Variants in ADARB2 observed in about 807,000 individuals in gnomAD.
ADARB2 encodes the protein inactive double-stranded RNA-specific editase B2.
A neutral mutation model predicts 62.2 loss-of-function variants in ADARB2; 25 were observed. That is an observed-to-expected ratio of 0.40 (90% confidence interval 0.29 to 0.56). The LOEUF is 0.56. Among genes scored for constraint, ADARB2 ranks in the 20% least tolerant of loss-of-function variants. ADARB2 has a pLI of 0.43. For missense variants in ADARB2, 1,071 were observed against 1,077.4 expected (o/e 0.99, Z 0.08); for synonymous variants, 572 against 500.8 (o/e 1.14, Z -1.90).
chr10:1,340,089 C>G (rs1310934608), intron 3 of ADARB2, among the ~76,000 whole-genome samples: 3 of 151,276 alleles, frequency 2.0e-5, no homozygotes, highest in African/African-American at 4.9e-5. Flanking sequence ...AACCACGTGC[C>G]CCACAGCGGC....
intron 1 of ADARB2, among the ~76,000 whole-genome samples, chr10:1,577,106 T>C (rs1833031671): frequency 6.6e-6 from 1 of 152,190 alleles, no homozygotes; most frequent in Admixed American, 6.5e-5. Flanking sequence ...TGTAGAGCCC[T>C]AGGCCTGGGG....
intron 3 of ADARB2, chr10:1,291,580 C>G (rs1464220923): frequency 6.6e-6 from 1 of 152,246 alleles, no homozygotes; most frequent in African/African-American, 2.4e-5. Context: ...CCCGATGTCC[C>G]TGGTGGAGTG....
intron 1 of ADARB2, among the ~76,000 whole-genome samples, chr10:1,581,227 G>A (rs1233279159): frequency 6.6e-6 from 1 of 152,236 alleles, no homozygotes; most frequent in Non-Finnish European, 1.5e-5. Context: ...CAAGGTGCGG[G>A]GAAGAAGCCT....
At chr10:1,374,310 G>T (rs980351245) in intron 2 of ADARB2, among the ~76,000 whole-genome samples, 3 of 152,196 alleles carry the variant, frequency 2.0e-5, no homozygotes, top group African/African-American at 7.2e-5. Flanking sequence ...GCATCTGCAT[G>T]GGAAAATGCA....
At chr10:1,336,355 T>C (rs765733411) in intron 3 of ADARB2, among the ~76,000 whole-genome samples, 52 of 152,368 alleles carry the variant, frequency 3.4e-4, no homozygotes, top group Non-Finnish European at 6.0e-4. Flanking sequence ...CTGTTTATCT[T>C]TGTTTCCTCA....
intron 7 of ADARB2, among the ~76,000 whole-genome samples, chr10:1,210,735 G>A (rs903954586): frequency 2.0e-5 from 3 of 152,236 alleles, no homozygotes; most frequent in African/African-American, 7.2e-5. Context: ...TGACCGTGTG[G>A]AGCACTTTGT....
chr10:1,633,516 T>A (rs1197839758), intron 1 of ADARB2, among the ~76,000 whole-genome samples: 1 of 140,456 alleles, frequency 7.1e-6, no homozygotes, highest in African/African-American at 2.5e-5. Context: ...GGATACTCAA[T>A]GAGTGAGTCT....
At chr10:1,212,294 T>A (rs1694240380) in intron 7 of ADARB2, among the ~76,000 whole-genome samples, 1 of 152,232 alleles carries the variant, frequency 6.6e-6, no homozygotes, top group South Asian at 2.1e-4. Context: ...ACGGCCCAGA[T>A]GCTTATGGTC....
At chr10:1,450,125 G>GGCTCCCGTCGAGAGGGAGCTCCCCAC (rs1385874411) in intron 1 of ADARB2, among the ~76,000 whole-genome samples, 3 of 152,206 alleles carry the variant, frequency 2.0e-5, no homozygotes, top group Non-Finnish European at 2.9e-5. Context: ...CACAGGTGGA[G>GGCTCCCGTCGAGAGGGAGCTCCCCAC]GCTCCCGTCG....
chr10:1,603,561 A>G (rs1367658822), intron 1 of ADARB2, among the ~76,000 whole-genome samples: 1 of 152,074 alleles, frequency 6.6e-6, no homozygotes, highest in Non-Finnish European at 1.5e-5. Flanking sequence ...AGTGTCACCG[A>G]GAGAGCACGA....
chr10:1,227,248 TG>T (rs1385275901), intron 6 of ADARB2, among the ~76,000 whole-genome samples: 1 of 152,234 alleles, frequency 6.6e-6, no homozygotes, highest in African/African-American at 2.4e-5. Context: ...TTTTTAAGCC[TG>T]TTGGAAAAGT....
chr10:1,354,143 A>AC (rs1176288356), intron 3 of ADARB2, among the ~76,000 whole-genome samples: 1 of 150,310 alleles, frequency 6.7e-6, no homozygotes, highest in African/African-American at 2.5e-5. Flanking sequence ...TCTCCATACC[A>AC]CCCCCAAAAA....
intron 3 of ADARB2, among the ~76,000 whole-genome samples, chr10:1,288,087 A>G (rs941408702): frequency 2.2e-4 from 33 of 152,224 alleles, no homozygotes; most frequent in Admixed American, 1.6e-3. Flanking sequence ...CCTACCCTAA[A>G]GGGAAGCCTG....
intron 1 of ADARB2, among the ~76,000 whole-genome samples, chr10:1,557,144 C>CT (rs1832716354): frequency 6.6e-6 from 1 of 151,940 alleles, no homozygotes; most frequent in South Asian, 2.1e-4. Context: ...CGCCCCCCGT[C>CT]TTTGCCCAGT....
intron 4 of ADARB2, among the ~76,000 whole-genome samples, chr10:1,267,572 C>G (rs1001479186): frequency 5.3e-5 from 8 of 152,148 alleles, no homozygotes; most frequent in African/African-American, 1.9e-4. Flanking sequence ...AGCCTCGTGA[C>G]TTAGCACGTA....
chr10:1,544,018 C>A lies in ADARB2; in HGVS notation c.101-164858G>T, dbSNP rs12768657. Reference sequence around the variant, plus strand: ...GTGACCAAAAAAAAAAAAAAACAAACAAAAAAAAAAACACACAAAATGGTG... The same window carrying A: ...GTGACCAAAAAAAAAAAAAAACAAAAAAAAAAAAAAACACACAAAATGGTG... On this transcript the variant is annotated intron_variant, in intron 1 of 9. Coordinates refer to ENST00000381312, the MANE Select transcript of ADARB2 (RefSeq NM_018702.4). Among the ~76,000 whole-genome samples the A allele has an allele frequency of 2.7e-3, 290 of 107,684 alleles. 25 individuals carry two copies. Among genetic ancestry groups the A allele is most frequent in the Middle Eastern group, 4.2e-3 (1 of 238 alleles). The allele number at this position is 107,684 out of a possible 152,430, so 70.6% of individuals were successfully genotyped here.
rs571387887 is a variant in ADARB2 at position 1,561,225 on chromosome 10, C to T, written c.100+175826G>A. Among the ~76,000 whole-genome samples the T allele has an allele frequency of 3.2e-4, 49 of 152,224 alleles. No homozygotes were observed. The East Asian group carries it at 9.3e-3, about 29-fold the overall frequency. On this transcript the variant is annotated intron_variant, in intron 1 of 9. Transcript: ENST00000381312. The stretch of plus-strand genomic sequence containing the variant: ...TGTTGTGTGTGGGTCACTGGCAGCC[C>T]CTCTCTCTCCAGACCTGCCCAGCTC...
chr10:1,534,863 C>G (rs556652119), intron 1 of ADARB2: 1 of 68,690 alleles, frequency 1.5e-5, no homozygotes, highest in African/African-American at 5.0e-5. Flanking sequence ...AGGCCCTGAC[C>G]ACACCCTGGC....
chr10:1,326,482 ACTGT>A (rs973470091), intron 3 of ADARB2, among the ~76,000 whole-genome samples: 1 of 152,230 alleles, frequency 6.6e-6, no homozygotes, highest in Non-Finnish European at 1.5e-5. Flanking sequence ...CGTTTCTGTC[ACTGT>A]CTTTCTATGA....
Sources: gnomAD v4.1 joint callset for allele counts (sites outside exome capture counted in the v4.1 genomes callset) on GRCh38, gnomAD v4.1.1 for gene constraint, MANE v1.5 for transcripts, NCBI Gene and HGNC (gene_info 2026-07-23, HGNC 2026-07-21) for gene names.